The following THSD4 variants were observed in gnomAD, a reference collection of about 807,000 sequenced individuals.
THSD4 encodes thrombospondin type-1 domain-containing protein 4.
Under a neutral mutation model 119.0 loss-of-function variants are expected in THSD4, and 69 were observed. The observed-to-expected ratio is 0.58, with a 90% CI of 0.48 to 0.71. The LOEUF is 0.71. THSD4 is among the 30% of genes least tolerant of loss of function. The pLI is 0.00. For synonymous variants in THSD4, 524 were observed against 540.4 expected (o/e 0.97, Z 0.42); for missense variants, 1,393 against 1,391.1 (o/e 1.00, Z -0.02).
intron 1 of THSD4, among the ~76,000 whole-genome samples, chr15:71,122,645 G>C (rs1452848675): frequency 1.3e-5 from 2 of 152,128 alleles, no homozygotes; most frequent in African/African-American, 2.4e-5. Context: ...ACAGGATTTT[G>C]TGTCAACATT....
intron 4 of THSD4, among the ~76,000 whole-genome samples, chr15:71,235,137 C>T (rs1567164949): frequency 6.6e-6 from 1 of 152,220 alleles, no homozygotes; most frequent in African/African-American, 2.4e-5. Context: ...GCTTAAAGTG[C>T]CAATGCTTTG....
chr15:71,365,881 C>G (rs1182859317), intron 6 of THSD4, among the ~76,000 whole-genome samples: 1 of 152,168 alleles, frequency 6.6e-6, no homozygotes, highest in South Asian at 2.1e-4. Flanking sequence ...GTTGCCAACA[C>G]AGTCACAGTC....
intron 6 of THSD4, among the ~76,000 whole-genome samples, chr15:71,270,937 G>A (rs2044521549): frequency 6.6e-6 from 1 of 151,932 alleles, no homozygotes; most frequent in Non-Finnish European, 1.5e-5. Context: ...AGGATGTTCT[G>A]TAGATGTGAG....
intron 3 of THSD4, 116 bp from the exon 4 acceptor site, chr15:71,214,919 T>C: frequency 5.0e-6 from 6 of 1,200,160 alleles, no homozygotes; most frequent in Non-Finnish European, 6.2e-6. Context: ...TTAATACTTA[T>C]CTTTGAAACA....
chr15:71,632,175 A>G lies in THSD4; in HGVS notation c.1153-28355A>G, dbSNP rs2050643962. Among the ~76,000 whole-genome samples the G allele has an allele frequency of 3.9e-5, 6 of 152,228 alleles. No individual in the cohort carries two copies. The South Asian group carries it at 1.2e-3, about 32-fold the overall frequency. On this transcript the variant is annotated intron_variant, in intron 7 of 17. Transcript: ENST00000261862. Reference sequence around the variant, plus strand: ...ATTAGTTCTTGTTATTTGGCCCAACATTCAAGAAGTCCTGTTTCCTTCTCT... The same window carrying G: ...ATTAGTTCTTGTTATTTGGCCCAACGTTCAAGAAGTCCTGTTTCCTTCTCT...
intron 7 of THSD4, among the ~76,000 whole-genome samples, chr15:71,501,820 C>A (rs971099363): frequency 6.6e-6 from 1 of 152,174 alleles, no homozygotes; most frequent in Non-Finnish European, 1.5e-5. Flanking sequence ...TTTCATTCCC[C>A]CACCCTAATT....
intron 7 of THSD4, among the ~76,000 whole-genome samples, chr15:71,555,183 G>A (rs375738537): frequency 2.6e-5 from 4 of 152,118 alleles, no homozygotes; most frequent in East Asian, 1.9e-4. Context: ...CTGAATTGGC[G>A]GGTCATGGAG....
intron 14 of THSD4, among the ~76,000 whole-genome samples, chr15:71,753,704 T>C (rs951607781): frequency 4.6e-5 from 7 of 152,232 alleles, no homozygotes; most frequent in Non-Finnish European, 1.0e-4. Context: ...ACCTGGAAGG[T>C]TAGTCCCCAC....
At chr15:71,390,022 C>G (rs1596392735) in intron 6 of THSD4, among the ~76,000 whole-genome samples, 2 of 151,972 alleles carry the variant, frequency 1.3e-5, no homozygotes, top group Non-Finnish European at 2.9e-5. Context: ...CCAGGCTGGT[C>G]TTGAACTCCT....
chr15:71,722,491 C>T (rs1055221399), intron 8 of THSD4, among the ~76,000 whole-genome samples: 1 of 151,994 alleles, frequency 6.6e-6, no homozygotes, highest in African/African-American at 2.4e-5. Context: ...TTTTTAGTTA[C>T]CAGATGATAA....
At chr15:71,708,997 T>C (rs1395419485) in intron 8 of THSD4, among the ~76,000 whole-genome samples, 1 of 152,232 alleles carries the variant, frequency 6.6e-6, no homozygotes, top group East Asian at 1.9e-4. Flanking sequence ...GTCCCTGGAC[T>C]ACCGTGGACT....
At chr15:71,237,412 GAGAT>G (rs1399383406) in intron 4 of THSD4, among the ~76,000 whole-genome samples, 3 of 152,200 alleles carry the variant, frequency 2.0e-5, no homozygotes, top group Non-Finnish European at 2.9e-5. Flanking sequence ...AAGGACTACT[GAGAT>G]AGAGAATATG....
At chr15:71,203,619 T>C (rs1218225128) in intron 3 of THSD4, among the ~76,000 whole-genome samples, 1 of 152,104 alleles carries the variant, frequency 6.6e-6, no homozygotes, top group Admixed American at 6.5e-5. Context: ...TGAGCCGAGA[T>C]TGTGCTACAG....
At chr15:71,716,675 G>C (rs2052616808) in intron 8 of THSD4, among the ~76,000 whole-genome samples, 1 of 151,594 alleles carries the variant, frequency 6.6e-6, no homozygotes, top group South Asian at 2.1e-4. Flanking sequence ...CGAGTGGGCT[G>C]TTATCCTGCC....
chr15:71,321,601 T>A (rs1201693792), intron 6 of THSD4, among the ~76,000 whole-genome samples: 1 of 152,170 alleles, frequency 6.6e-6, no homozygotes, highest in African/African-American at 2.4e-5. Flanking sequence ...CAGAATCTTT[T>A]AAAATTGTTT....
At chr15:71,364,047 T>G (rs1341512577) in intron 6 of THSD4, among the ~76,000 whole-genome samples, 1 of 152,214 alleles carries the variant, frequency 6.6e-6, no homozygotes, top group Admixed American at 6.5e-5. Context: ...GGTTGAACTC[T>G]AGACAGGAGG....
intron 8 of THSD4, among the ~76,000 whole-genome samples, chr15:71,675,553 G>A (rs2051627888): frequency 6.6e-6 from 1 of 152,132 alleles, no homozygotes; most frequent in Admixed American, 6.5e-5. Flanking sequence ...CAGCCCGTGT[G>A]GGGGTTCTGT....
intron 3 of THSD4, among the ~76,000 whole-genome samples, chr15:71,214,396 G>C (rs968270123): frequency 6.6e-6 from 1 of 152,346 alleles, no homozygotes; most frequent in South Asian, 2.1e-4. Flanking sequence ...TTTGTGAGCT[G>C]TAACACTCAA....
chr15:71,142,617 A>T (rs1197472705), intron 2 of THSD4, among the ~76,000 whole-genome samples: 3 of 152,256 alleles, frequency 2.0e-5, no homozygotes, highest in Admixed American at 6.5e-5. Flanking sequence ...CTGCCCAAGC[A>T]TCTAGTTTAT....
Sources: gnomAD v4.1 joint callset for allele counts (sites outside exome capture counted in the v4.1 genomes callset) on GRCh38, gnomAD v4.1.1 for gene constraint, MANE v1.5 for transcripts, NCBI Gene and HGNC (gene_info 2026-07-23, HGNC 2026-07-21) for gene names.